Variants in FAM120C observed in about 807,000 individuals in gnomAD.
The protein encoded by FAM120C is constitutive coactivator of PPAR-gamma-like protein 2.
FAM120C carries 14 observed loss-of-function variants against 71.2 expected under a neutral mutation model. The ratio of observed to expected loss-of-function variants is 0.20; its 90% CI spans 0.13 to 0.31. The LOEUF is 0.31. FAM120C is among the 10% of genes least tolerant of loss of function. The pLI, the probability that FAM120C is intolerant of heterozygous loss-of-function variation, is 1.00. For synonymous variants in FAM120C, 354 were observed against 353.2 expected, an observed-to-expected ratio of 1.00 and a Z score of -0.03; for missense variants, 500 against 879.0, an observed-to-expected ratio of 0.57 and a Z score of 5.45.
chrX:54,183,237 C>T lies in FAM120C; in HGVS notation c.-39G>A, dbSNP rs1557137964. 11 of 1,008,606 alleles carry T rather than the reference C, an allele frequency of 1.1e-5. No individual in the cohort carries two copies. The South Asian group carries it at 2.2e-4, about 20-fold the overall frequency. 83.1% of individuals were successfully genotyped at this position (1,008,606 alleles called of 1,213,427 possible). A position where few individuals can be genotyped will look rare whatever the true frequency, so the allele number is the denominator to read the frequency against. On this transcript the variant is annotated 5_prime_UTR_variant, in exon 1 of 16. Coordinates refer to ENST00000375180, the MANE Select transcript of FAM120C (RefSeq NM_017848.6). ...GCAGACGCGATAGCGGCTGCGCAAG[C>T]AGGATAGGCGACGATCTGGGCGCGA...
chrX:54,128,132 CAA>C (rs1557128349), intron 9 of FAM120C, among the ~76,000 whole-genome samples: 1 of 111,419 alleles, frequency 9.0e-6, no homozygotes, highest in Non-Finnish European at 1.9e-5. Flanking sequence ...CAGATTCATG[CAA>C]TTCTTGTGCC....
chrX:54,146,320 A>T (rs2067156069), intron 4 of FAM120C, among the ~76,000 whole-genome samples: 1 of 111,608 alleles, frequency 9.0e-6, no homozygotes, highest in East Asian at 2.8e-4. Context: ...AAAATAAATA[A>T]AATTAAATTA....
At chrX:54,156,005 A>G (rs1398738112) in intron 3 of FAM120C, among the ~76,000 whole-genome samples, 1 of 111,604 alleles carries the variant, frequency 9.0e-6, no homozygotes, top group African/African-American at 3.3e-5. Context: ...GAACATGGAC[A>G]GGTCATGCAC....
At chrX:54,115,798 A>C (rs1434444264) in intron 10 of FAM120C, among the ~76,000 whole-genome samples, 3 of 112,135 alleles carry the variant, frequency 2.7e-5, no homozygotes, top group African/African-American at 9.7e-5. Flanking sequence ...TGAAAAAAAG[A>C]AACAGGCCGG....
At chrX:54,139,262 C>A (rs1391788343) in intron 4 of FAM120C, among the ~76,000 whole-genome samples, 1 of 110,933 alleles carries the variant, frequency 9.0e-6, no homozygotes, top group Non-Finnish European at 1.9e-5. Context: ...GTTGAGTATT[C>A]TCTACAAATA....
chrX:54,135,882 C>T (rs1557130458), intron 5 of FAM120C, among the ~76,000 whole-genome samples: 1 of 111,199 alleles, frequency 9.0e-6, no homozygotes, highest in African/African-American at 3.3e-5. Flanking sequence ...AGGCCAGACC[C>T]CAAAGACAGG....
chrX:54,179,103 G>A (rs2067333997), intron 1 of FAM120C, among the ~76,000 whole-genome samples: 1 of 111,724 alleles, frequency 9.0e-6, no homozygotes, highest in Admixed American at 9.5e-5. Context: ...AGCAATTTGT[G>A]GGTTTACTTA....
intron 13 of FAM120C, among the ~76,000 whole-genome samples, chrX:54,083,477 A>ACACACACACACACC (rs1269380471): frequency 6.9e-4 from 72 of 104,865 alleles, no homozygotes; most frequent in African/African-American, 2.4e-3. Context: ...ACACACACAC[A>ACACACACACACACC]CCAAAATATT....
Position 54,070,322 on chromosome X carries a change from A to G in FAM120C, c.*2711T>C, listed in dbSNP as rs1343923180. On this transcript the variant is annotated 3_prime_UTR_variant, in exon 16 of 16. Transcript: ENST00000375180. ...AAAAAGAGGTTGTGGAAGGAAGAAAAGCCGTTTGGCAAACTGGAATCATAC... is the reference window on the plus strand; with the variant it reads ...AAAAAGAGGTTGTGGAAGGAAGAAAGGCCGTTTGGCAAACTGGAATCATAC... 8.9e-6 allele frequency: 1 copy of G among 111,793 alleles called. No individual in the cohort carries two copies. Among genetic ancestry groups the G allele is most frequent in the Non-Finnish European group, 1.9e-5 (1 of 53,165 alleles). The allele number at this position is 111,793 out of a possible 1,213,427, so 9.2% of individuals were successfully genotyped here. A position where few individuals can be genotyped will look rare whatever the true frequency, so the allele number is the denominator to read the frequency against.
At chrX:54,110,567 T>C (rs2066931411) in intron 10 of FAM120C, among the ~76,000 whole-genome samples, 1 of 111,022 alleles carries the variant, frequency 9.0e-6, no homozygotes. Context: ...TTCACTGTAC[T>C]ATTATTCTAA....
chrX:54,162,574 G>A (rs1453287824), intron 1 of FAM120C, among the ~76,000 whole-genome samples: 2 of 111,922 alleles, frequency 1.8e-5, no homozygotes, highest in East Asian at 2.8e-4. Flanking sequence ...GATTGGTACA[G>A]AATAGTAAAG....
intron 9 of FAM120C, among the ~76,000 whole-genome samples, chrX:54,117,067 G>A (rs782194900): frequency 1.8e-5 from 2 of 110,929 alleles, no homozygotes; most frequent in African/African-American, 6.6e-5. Flanking sequence ...TGCAGATAAA[G>A]AAATCAAGGG....
At position 54,127,545 on chromosome X, in the gene FAM120C, T is replaced by C. The variant is rs186199035; in HGVS notation, c.2062+5147A>G. Among the ~76,000 whole-genome samples, 192 of 97,214 alleles carry C rather than the reference T, an allele frequency of 2.0e-3. 2 individuals carry two copies. The Middle Eastern group carries it at 0.042, about 21-fold the overall frequency. The allele number at this position is 97,214 out of a possible 115,157, so 84.4% of individuals were successfully genotyped here. On this transcript the variant is annotated intron_variant, in intron 9 of 15. Transcript: ENST00000375180. ...GGTGGAGCTTGCAGTGAGCCGAGAT[T>C]GTGCCACTGCATTCCAGCCAACAAA...
At chrX:54,143,691 C>A (rs1343092569) in intron 4 of FAM120C, among the ~76,000 whole-genome samples, 6 of 111,494 alleles carry the variant, frequency 5.4e-5, no homozygotes, top group African/African-American at 1.6e-4. Flanking sequence ...AGCCTACCAA[C>A]CAAAAGAAGT....
At chrX:54,136,076 G>A (rs2067092860) in intron 5 of FAM120C, among the ~76,000 whole-genome samples, 1 of 106,872 alleles carries the variant, frequency 9.4e-6, no homozygotes, top group Admixed American at 1.0e-4. Context: ...TTGGCTCACC[G>A]CAAACTCCGC....
chrX:54,097,871 C>T (rs1293368467), intron 10 of FAM120C, among the ~76,000 whole-genome samples: 11 of 109,380 alleles, frequency 1.0e-4, no homozygotes, highest in Non-Finnish European at 1.9e-4. Flanking sequence ...GGACTACAGG[C>T]GCCCGCTACC....
At chrX:54,148,185 G>C (rs2084954443) in intron 4 of FAM120C, among the ~76,000 whole-genome samples, 1 of 110,607 alleles carries the variant, frequency 9.0e-6, no homozygotes, top group South Asian at 3.8e-4. Flanking sequence ...ACAGACTGGG[G>C]GAAAATATTT....
intron 1 of FAM120C, among the ~76,000 whole-genome samples, chrX:54,162,327 C>T (rs1334602100): frequency 1.8e-5 from 2 of 111,851 alleles, no homozygotes; most frequent in Admixed American, 1.9e-4. Flanking sequence ...GAATGCCTTA[C>T]TGCCTCTCTT....
chrX:54,167,967 C>CAAA (rs782320617), intron 1 of FAM120C, among the ~76,000 whole-genome samples: 2 of 47,657 alleles, frequency 4.2e-5, no homozygotes, highest in Admixed American at 2.5e-4. Flanking sequence ...GACTCCGTCT[C>CAAA]AAAAAAAAAA....
Sources: allele counts gnomAD v4.1 joint callset (sites outside exome capture counted in the v4.1 genomes callset), GRCh38; gene constraint gnomAD v4.1.1; transcripts MANE v1.5; gene names NCBI Gene and HGNC (gene_info 2026-07-23, HGNC 2026-07-21).